The following DIP2C variants were observed in gnomAD, a reference collection of about 807,000 sequenced individuals.
The protein encoded by DIP2C is disco-interacting protein 2 homolog C.
In DIP2C, 33 loss-of-function variants were observed where a neutral mutation model predicts 192.4. The observed-to-expected ratio is 0.17, with a 90% CI of 0.13 to 0.23. The LOEUF is 0.23. Among genes scored for constraint, DIP2C ranks in the 10% least tolerant of loss-of-function variants. The pLI is 1.00. For missense variants in DIP2C, 1,537 were observed against 2,110.1 expected, an observed-to-expected ratio of 0.73 and a Z score of 5.32; for synonymous variants, 979 against 864.1, an observed-to-expected ratio of 1.13 and a Z score of -2.33.
chr10:552,111 GAC>G (rs1253516049), intron 1 of DIP2C, among the ~76,000 whole-genome samples: 1 of 152,216 alleles, frequency 6.6e-6, no homozygotes, highest in Non-Finnish European at 1.5e-5. Context: ...TTGCTGGAGA[GAC>G]ACACTCTGTT....
intron 1 of DIP2C, among the ~76,000 whole-genome samples, chr10:492,551 G>T (rs927079159): frequency 6.6e-6 from 1 of 152,150 alleles, no homozygotes; most frequent in Non-Finnish European, 1.5e-5. Flanking sequence ...ATTATTTATT[G>T]TTATTTAGTG....
chr10:351,924 A>C (rs1416677028), intron 24 of DIP2C, among the ~76,000 whole-genome samples: 1 of 152,136 alleles, frequency 6.6e-6, no homozygotes, highest in Non-Finnish European at 1.5e-5. Context: ...CCCCGACTCC[A>C]GGGGCAGGTC....
intron 3 of DIP2C, 96 bp downstream of exon 3, chr10:472,342 GC>G: frequency 8.9e-7 from 1 of 1,129,060 alleles, no homozygotes; most frequent in Non-Finnish European, 1.3e-6. Context: ...GCAGGTCCAC[GC>G]CCACTGCACT....
intron 18 of DIP2C, among the ~76,000 whole-genome samples, chr10:369,175 G>A (rs935265334): frequency 6.6e-6 from 1 of 152,240 alleles, no homozygotes; most frequent in Admixed American, 6.5e-5. Context: ...AGATGGGCAC[G>A]TCCTCTGGGG....
At chr10:413,772 G>T in intron 8 of DIP2C, 141 bp downstream of exon 8, 2 of 1,036,096 alleles carry the variant, frequency 1.9e-6, no homozygotes, top group Non-Finnish European at 2.8e-6. Context: ...GGGAGTGGCT[G>T]CGCGAGGGCG....
intron 1 of DIP2C, among the ~76,000 whole-genome samples, chr10:522,636 C>A (rs988102940): frequency 3.3e-5 from 5 of 152,264 alleles, no homozygotes; most frequent in Non-Finnish European, 7.3e-5. Context: ...AAGACACGGA[C>A]CATCTTTCCA....
At chr10:601,722 G>T (rs967289072) in intron 1 of DIP2C, among the ~76,000 whole-genome samples, 1 of 152,238 alleles carries the variant, frequency 6.6e-6, no homozygotes, top group Non-Finnish European at 1.5e-5. Flanking sequence ...AGGCCTGCCA[G>T]CATCTCAGGG....
chr10:294,872 A>T (rs1955674459), intron 32 of DIP2C, among the ~76,000 whole-genome samples: 1 of 152,170 alleles, frequency 6.6e-6, no homozygotes. Context: ...AAGTGAAAAA[A>T]CAACCTACAG....
chr10:404,892 G>A (rs1256942921), intron 9 of DIP2C, among the ~76,000 whole-genome samples: 3 of 152,186 alleles, frequency 2.0e-5, no homozygotes, highest in East Asian at 1.9e-4. Flanking sequence ...GTCATGTGAC[G>A]GACTGAGAGC....
At chr10:409,648 G>A (rs368795115) in intron 8 of DIP2C, among the ~76,000 whole-genome samples, 5 of 152,330 alleles carry the variant, frequency 3.3e-5, no homozygotes, top group Admixed American at 6.5e-5. Context: ...AGTCACTCCC[G>A]GTGACGTCCC....
chr10:434,528 C>T (rs1223848924), intron 4 of DIP2C, among the ~76,000 whole-genome samples: 1 of 152,182 alleles, frequency 6.6e-6, no homozygotes, highest in African/African-American at 2.4e-5. Context: ...CCGCCTTGGC[C>T]TCCCAGAGTG....
At chr10:505,969 T>C (rs1172162241) in intron 1 of DIP2C, among the ~76,000 whole-genome samples, 1 of 152,100 alleles carries the variant, frequency 6.6e-6, no homozygotes, top group Non-Finnish European at 1.5e-5. Flanking sequence ...CCTGGAGAAG[T>C]AAAGAAGCTG....
intron 1 of DIP2C, among the ~76,000 whole-genome samples, chr10:603,813 C>T (rs1372268964): frequency 6.6e-6 from 1 of 152,232 alleles, no homozygotes; most frequent in Non-Finnish European, 1.5e-5. Flanking sequence ...GGGCTGAAGT[C>T]AAGGGGTCAG....
At chr10:567,697 G>A (rs1425638625) in intron 1 of DIP2C, among the ~76,000 whole-genome samples, 2 of 152,180 alleles carry the variant, frequency 1.3e-5, no homozygotes, top group Non-Finnish European at 2.9e-5. Context: ...GAATGCAGTG[G>A]TGTGATCTCT....
intron 1 of DIP2C, among the ~76,000 whole-genome samples, chr10:685,546 G>A (rs147682721): frequency 5.7e-4 from 87 of 152,126 alleles, no homozygotes; most frequent in African/African-American, 1.9e-3. Context: ...TAAACAAATG[G>A]GAAAGAGCTC....
At chr10:513,583 C>A (rs999784248) in intron 1 of DIP2C, among the ~76,000 whole-genome samples, 1 of 151,926 alleles carries the variant, frequency 6.6e-6, no homozygotes, top group Non-Finnish European at 1.5e-5. Context: ...CGCCACACTG[C>A]AGCCTGCAAT....
At chr10:415,024 G>A (rs1965540987) in intron 7 of DIP2C, among the ~76,000 whole-genome samples, 1 of 151,088 alleles carries the variant, frequency 6.6e-6, no homozygotes, top group African/African-American at 2.4e-5. Context: ...TTATAGGCAT[G>A]AGCCACCGCA....
intron 1 of DIP2C, among the ~76,000 whole-genome samples, chr10:682,611 A>G (rs1260218082): frequency 6.6e-6 from 1 of 152,224 alleles, no homozygotes; most frequent in Non-Finnish European, 1.5e-5. Context: ...GTCATGGCTC[A>G]AGGGTTCTAA....
chr10:677,064 T>TA (rs1026487301), intron 1 of DIP2C, among the ~76,000 whole-genome samples: 11 of 152,236 alleles, frequency 7.2e-5, no homozygotes, highest in Non-Finnish European at 1.5e-5. Flanking sequence ...ATATGTACTA[T>TA]AATGTGTCCA....
Sources: gnomAD v4.1 joint callset for allele counts (sites outside exome capture counted in the v4.1 genomes callset) on GRCh38, gnomAD v4.1.1 for gene constraint, MANE v1.5 for transcripts, NCBI Gene and HGNC (gene_info 2026-07-23, HGNC 2026-07-21) for gene names.